The following NOC3L variants were observed in gnomAD, a reference collection of about 807,000 sequenced individuals.
The protein encoded by NOC3L is NOC3 like DNA replication regulator.
In NOC3L, 85 loss-of-function variants were observed where a neutral mutation model predicts 102.5. That is an observed-to-expected ratio of 0.83 (90% CI 0.70 to 0.99). NOC3L has a LOEUF of 0.99. Ranked by LOEUF, NOC3L falls within the 50% of genes least tolerant of loss-of-function variation. NOC3L has a pLI of 0.00. For missense variants in NOC3L, 878 were observed against 914.9 expected (o/e 0.96, Z 0.52); for synonymous variants, 303 against 309.4 (o/e 0.98, Z 0.22).
Position 94,358,181 on chromosome 10 carries a change from T to G in NOC3L, c.252A>C (p.Glu84Asp), listed in dbSNP as rs140253386. The G allele has an allele frequency of 3.6e-5, 57 of 1,601,952 alleles. No homozygotes were observed. The highest frequency in any genetic ancestry group is 4.8e-5 in the Non-Finnish European group (56 of 1,171,198). The change falls in exon 3 of 21, where the codon GAA (glutamate) becomes GAC (aspartate). Residue 84 changes from glutamate to aspartate, a missense_variant. By Grantham distance (45) the Glu-to-Asp change is conservative. Coordinates refer to ENST00000371361, the MANE Select transcript of NOC3L (RefSeq NM_022451.11). Reference protein sequence around the residue: ...KRIEREEEEEEEALPLDMMDE... With the variant: ...KRIEREEEEEDEALPLDMMDE... ...CCATCATATCTAAAGGAAGGGCTTC[T>G]TCTTCTTCCTCTTCTTCCCTCTCAA...
intron 6 of NOC3L, among the ~76,000 whole-genome samples, chr10:94,353,379 C>A (rs986152429): frequency 6.6e-6 from 1 of 152,196 alleles, no homozygotes; most frequent in Non-Finnish European, 1.5e-5. Context: ...CCTGGTGAGG[C>A]CTCAGGAAAC....
intron 13 of NOC3L, among the ~76,000 whole-genome samples, chr10:94,342,883 G>A (rs755768782): frequency 6.6e-6 from 1 of 152,016 alleles, no homozygotes. Flanking sequence ...TCAGGAGTTC[G>A]AGACCAGCCT....
At chr10:94,332,846 G>C (rs999267889), downstream of NOC3L, 1 of 151,976 alleles carries the variant, frequency 6.6e-6, no homozygotes, top group Non-Finnish European at 1.5e-5. Context: ...GCTCTGATGG[G>C]GATTAGACCC....
the NOC3L span, among the ~76,000 whole-genome samples, chr10:94,318,493 A>G: frequency 6.6e-6 from 1 of 152,340 alleles, no homozygotes; most frequent in South Asian, 2.1e-4. Context: ...ACACTTAAGG[A>G]AATAGATTCA....
At chr10:94,324,324 C>G in the NOC3L span, 1 of 1,551,754 alleles carries the variant, frequency 6.4e-7, no homozygotes, top group South Asian at 1.1e-5. Context: ...TGTCTTTATT[C>G]AGTTGATCAT....
In NOC3L at chr10:94,357,173, C is replaced by A; in HGVS notation, c.508+1G>T. 6.5e-7 allele frequency: 1 copy of A among 1,546,316 alleles called. No individual in the cohort carries two copies. The highest frequency in any genetic ancestry group is 8.7e-7 in the Non-Finnish European group (1 of 1,147,142). On this transcript the variant is annotated splice_donor_variant, in intron 4 of 20. Transcript: ENST00000371361. LOFTEE classifies it high-confidence loss of function. The stretch of plus-strand genomic sequence containing the variant: ...TAATATTACCAGTTTATTAGACTCA[C>A]CTGGCTTCTCCCTAGTCTGTGGGAT...
downstream of NOC3L, chr10:94,332,527 G>A (rs1022478275): frequency 2.0e-4 from 30 of 152,024 alleles, no homozygotes; most frequent in African/African-American, 7.2e-4. Context: ...GTGTGTGTGT[G>A]TGTGTGTGTG....
At chr10:94,340,835 A>G (rs376361176) in intron 14 of NOC3L, among the ~76,000 whole-genome samples, 233 of 149,568 alleles carry the variant, frequency 1.6e-3, no homozygotes, top group East Asian at 5.9e-3. Flanking sequence ...CAAAAAATTA[A>G]CCGGGCATGG....
chr10:94,324,308 A>T, the NOC3L span: 1 of 1,488,182 alleles, frequency 6.7e-7, no homozygotes, highest in Non-Finnish European at 9.4e-7. Context: ...AATGTTGGAG[A>T]TTCTGTGTCT....
the NOC3L span, chr10:94,324,807 G>A: frequency 8.0e-6 from 11 of 1,374,334 alleles, no homozygotes; most frequent in South Asian, 1.2e-5. Flanking sequence ...AGAGAGAAGA[G>A]GAAAGCGCTC....
intron 10 of NOC3L, 30 bp from the exon 11 acceptor site, chr10:94,346,586 A>G: frequency 8.2e-7 from 1 of 1,214,820 alleles, no homozygotes; most frequent in South Asian, 1.7e-5. Context: ...ACAAATATAC[A>G]GCTTAATATT....
At chr10:94,329,799 A>AAC (rs1291653376), downstream of NOC3L, 10 of 148,390 alleles carry the variant, frequency 6.7e-5, no homozygotes, top group Non-Finnish European at 1.2e-4. Context: ...AAAAAAAAAA[A>AAC]AAAAAAAAAA....
chr10:94,341,190 C>T (rs985865916), intron 14 of NOC3L, among the ~76,000 whole-genome samples: 5 of 151,312 alleles, frequency 3.3e-5, no homozygotes, highest in Non-Finnish European at 5.9e-5. Flanking sequence ...AAAAAAAAGA[C>T]CTATAAAGGT....
rs2054269372 is a variant in NOC3L at position 94,340,494 on chromosome 10, G to A, written c.1647C>T (p.Asp549=). 3.0e-6 allele frequency: 3 copies of A among 994,460 alleles called. No individual in the cohort carries two copies. Among genetic ancestry groups the A allele is most frequent in the Admixed American group, 2.0e-5 (1 of 48,966 alleles). 61.6% of individuals were successfully genotyped at this position (994,460 alleles called of 1,614,324 possible). A position where few individuals can be genotyped will look rare whatever the true frequency, so the allele number is the denominator to read the frequency against. The change falls in exon 15 of 21, where the codon GAC becomes GAT. Residue 549 remains aspartate (D), a splice_region_variant and synonymous_variant. Transcript: ENST00000371361. ...AGTGAAGACTTTCTTGATAGCTTAGGTCCTTTAAAAAAAAAAGGGGGGGGT... is the reference window on the plus strand; with the variant it reads ...AGTGAAGACTTTCTTGATAGCTTAGATCCTTTAAAAAAAAAAGGGGGGGGT... The part of the protein sequence containing the change: ...VVLHTLIESG[D]LSYQESLHCV...
chr10:94,352,401 G>T lies in NOC3L; in HGVS notation c.861C>A (p.Thr287=). 1 of 1,604,168 alleles carries T rather than the reference G, an allele frequency of 6.2e-7. No individual in the cohort carries two copies. The highest frequency in any genetic ancestry group is 8.5e-7 in the Non-Finnish European group (1 of 1,174,884). ...CTCTTAACTTCTGGGTTTCTTTTCG[G>T]GTCTGAAAAGACCAAAAAGGTCAAT... The part of the protein sequence containing the change: ...PLTEAEKSTK[T]RKETQKLREF... The change falls in exon 8 of 21, where the codon ACC becomes ACA. Residue 287 remains threonine, a splice_region_variant and synonymous_variant. Coordinates refer to ENST00000371361, the MANE Select transcript of NOC3L (RefSeq NM_022451.11).
At position 94,333,246 on chromosome 10, in the gene NOC3L, C is replaced by T. The variant is rs1172495012; in HGVS notation, c.*931G>A. ...AAGAATAGGAAGCAGAAAAAAACAG[C>T]TGTTTTATTCAACTATTCACAATAG... is the stretch of plus-strand genomic sequence containing the variant. On this transcript the variant is annotated 3_prime_UTR_variant, in exon 21 of 21. Transcript: ENST00000371361. 6.6e-6 allele frequency: 1 copy of T among 152,126 alleles called. No homozygotes were observed. Among genetic ancestry groups the T allele is most frequent in the Non-Finnish European group, 1.5e-5 (1 of 68,016 alleles). The allele number at this position is 152,126 out of a possible 1,614,324, so 9.4% of individuals were successfully genotyped here.
the NOC3L span, among the ~76,000 whole-genome samples, chr10:94,326,379 G>A: frequency 6.6e-6 from 1 of 152,156 alleles, no homozygotes; most frequent in African/African-American, 2.4e-5. Flanking sequence ...CACATTTAAA[G>A]AGCAACTCCT....
intron 1 of NOC3L, 35 bp from the exon 2 acceptor site, chr10:94,361,907 A>T (rs1451750086): frequency 6.8e-7 from 1 of 1,462,862 alleles, no homozygotes; most frequent in East Asian, 2.3e-5. Flanking sequence ...GCATACCCAG[A>T]AACTTATTTT....
At position 94,358,221 on chromosome 10, in the gene NOC3L, C is replaced by CCACA. The variant is rs111938683; in HGVS notation, c.218-10_218-7dup. ...TTCCCTCTCAATCCTTTTACCTGTA[C>CCACA]CACACACACACACACACAAAGAAAA... On this transcript the variant is annotated splice_polypyrimidine_tract_variant and splice_region_variant and intron_variant, in intron 2 of 20. Transcript: ENST00000371361. The CCACA allele has an allele frequency of 8.3e-5, 102 of 1,229,154 alleles. No homozygotes were observed. In the South Asian group the frequency reaches 1.1e-3, roughly 13 times the overall value. 76.1% of individuals were successfully genotyped at this position (1,229,154 alleles called of 1,614,324 possible).
Sources: gnomAD v4.1 joint callset for allele counts (sites outside exome capture counted in the v4.1 genomes callset) on GRCh38, gnomAD v4.1.1 for gene constraint, MANE v1.5 for transcripts, NCBI Gene and HGNC (gene_info 2026-07-23, HGNC 2026-07-21) for gene names.